Variants in GRM7 observed in about 807,000 individuals in gnomAD.
GRM7 encodes the protein metabotropic glutamate receptor 7.
GRM7 carries 35 observed loss-of-function variants against 84.5 expected under a neutral mutation model. That is an observed-to-expected ratio of 0.41 (90% CI 0.32 to 0.55). The LOEUF (loss-of-function observed/expected upper bound fraction) is 0.55. Among genes scored for constraint, GRM7 ranks in the 20% least tolerant of loss-of-function variants. The probability of loss-of-function intolerance (pLI) is 0.19; values close to 1 mark genes in which losing one functional copy is unlikely to be tolerated. For missense variants in GRM7, 1,003 were observed against 1,194.6 expected (o/e 0.84, Z 2.36); for synonymous variants, 487 against 455.1 (o/e 1.07, Z -0.89).
At chr3:7,120,201 A>G (rs1693170981) in intron 1 of GRM7, among the ~76,000 whole-genome samples, 1 of 152,140 alleles carries the variant, frequency 6.6e-6, no homozygotes, top group African/African-American at 2.4e-5. Flanking sequence ...TTCATGTACC[A>G]GAAAGCCTAA....
intron 7 of GRM7, among the ~76,000 whole-genome samples, chr3:7,526,624 C>T (rs1408396870): frequency 1.3e-5 from 2 of 151,894 alleles, no homozygotes; most frequent in African/African-American, 4.8e-5. Flanking sequence ...GAGAGTATTT[C>T]CTAGGTTTTC....
intron 5 of GRM7, among the ~76,000 whole-genome samples, chr3:7,418,604 G>A (rs955616021): frequency 6.6e-6 from 1 of 152,112 alleles, no homozygotes; most frequent in African/African-American, 2.4e-5. Flanking sequence ...AGCTGAGTGT[G>A]TTCACCCTTG....
At chr3:7,001,171 C>A (rs147299680) in intron 1 of GRM7, among the ~76,000 whole-genome samples, 5 of 152,040 alleles carry the variant, frequency 3.3e-5, no homozygotes, top group African/African-American at 9.7e-5. Flanking sequence ...CATAGTGAGA[C>A]CCCATATCCA....
At chr3:7,236,210 G>A (rs746314500) in intron 2 of GRM7, among the ~76,000 whole-genome samples, 4 of 152,086 alleles carry the variant, frequency 2.6e-5, no homozygotes, top group Admixed American at 6.6e-5. Context: ...TTGCATTGAG[G>A]GTTAAGTTTC....
chr3:7,567,646 G>A (rs979301305), intron 7 of GRM7, among the ~76,000 whole-genome samples: 7 of 150,462 alleles, frequency 4.7e-5, no homozygotes, highest in African/African-American at 1.7e-4. Context: ...ACTGGGGAAG[G>A]CTGAGGCATG....
At chr3:7,661,626 C>T (rs548203377) in intron 8 of GRM7, among the ~76,000 whole-genome samples, 7 of 151,706 alleles carry the variant, frequency 4.6e-5, no homozygotes, top group South Asian at 2.1e-4. Flanking sequence ...AACCCCGTCT[C>T]TACTAAAAAT....
chr3:7,582,287 C>T (rs115963179), intron 8 of GRM7, among the ~76,000 whole-genome samples: 68 of 152,178 alleles, frequency 4.5e-4, no homozygotes, highest in African/African-American at 1.3e-3. Flanking sequence ...ACAGGCTACC[C>T]GGTCAAAATC....
At chr3:6,979,180 TTC>T (rs752534070) in intron 1 of GRM7, among the ~76,000 whole-genome samples, 11 of 152,198 alleles carry the variant, frequency 7.2e-5, no homozygotes, top group African/African-American at 2.2e-4. Context: ...CTTCCACGAA[TTC>T]TCTCTTTTCA....
At chr3:7,192,900 C>T (rs1429748498) in intron 2 of GRM7, among the ~76,000 whole-genome samples, 1 of 152,130 alleles carries the variant, frequency 6.6e-6, no homozygotes, top group Non-Finnish European at 1.5e-5. Context: ...CCAATAACCT[C>T]TTGGGTACTA....
chr3:7,200,060 A>C (rs1001238621), intron 2 of GRM7, among the ~76,000 whole-genome samples: 7 of 152,204 alleles, frequency 4.6e-5, no homozygotes, highest in African/African-American at 1.7e-4. Context: ...AAAATGGCGA[A>C]GTGAATGGGC....
At chr3:7,076,145 T>G (rs1363571902) in intron 1 of GRM7, among the ~76,000 whole-genome samples, 1 of 152,154 alleles carries the variant, frequency 6.6e-6, no homozygotes, top group African/African-American at 2.4e-5. Flanking sequence ...CATTCGATAT[T>G]TACTGGGAAG....
intron 4 of GRM7, among the ~76,000 whole-genome samples, chr3:7,316,635 G>A (rs1700592305): frequency 1.3e-5 from 2 of 152,168 alleles, no homozygotes; most frequent in Admixed American, 1.3e-4. Flanking sequence ...GATCAGCTGA[G>A]ATGGAGAATA....
chr3:7,508,365 C>T (rs1423583132), intron 7 of GRM7, among the ~76,000 whole-genome samples: 2 of 152,116 alleles, frequency 1.3e-5, no homozygotes, highest in Non-Finnish European at 1.5e-5. Flanking sequence ...TAAGTTTCTT[C>T]ATGCTCCTTC....
intron 1 of GRM7, among the ~76,000 whole-genome samples, chr3:6,917,165 G>C (rs1696969101): frequency 6.6e-6 from 1 of 152,100 alleles, no homozygotes; most frequent in South Asian, 2.1e-4. Flanking sequence ...ATAGATTTGG[G>C]TGAGAATTTG....
chr3:7,298,522 C>A (rs1486213358), intron 2 of GRM7, 162 bp from the exon 3 acceptor site: 6 of 604,294 alleles, frequency 9.9e-6, no homozygotes, highest in Non-Finnish European at 1.8e-5. Context: ...TGAACAACAT[C>A]TCAGGACTCA....
intron 2 of GRM7, among the ~76,000 whole-genome samples, chr3:7,216,176 T>C (rs1411509439): frequency 1.3e-5 from 2 of 152,234 alleles, no homozygotes; most frequent in African/African-American, 4.8e-5. Context: ...GTCACTTCAG[T>C]AGGAATATGC....
intron 5 of GRM7, among the ~76,000 whole-genome samples, chr3:7,438,915 T>C (rs1315773547): frequency 2.0e-5 from 3 of 152,156 alleles, no homozygotes; most frequent in African/African-American, 7.2e-5. Flanking sequence ...ATTGTAGACA[T>C]GTTGAATCCA....
chr3:7,013,917 G>A (rs569331262), intron 1 of GRM7, among the ~76,000 whole-genome samples: 25 of 152,002 alleles, frequency 1.6e-4, no homozygotes, highest in Admixed American at 4.6e-4. Context: ...ATCATTTTGC[G>A]TAAATTTTTT....
intron 5 of GRM7, among the ~76,000 whole-genome samples, chr3:7,446,694 A>G (rs774115656): frequency 6.6e-6 from 1 of 151,848 alleles, no homozygotes; most frequent in Non-Finnish European, 1.5e-5. Context: ...TCCTGACCTC[A>G]GGTGATCTGC....
Sources: allele counts gnomAD v4.1 joint callset (sites outside exome capture counted in the v4.1 genomes callset), GRCh38; gene constraint gnomAD v4.1.1; transcripts MANE v1.5; gene names NCBI Gene and HGNC (gene_info 2026-07-23, HGNC 2026-07-21).